Variants in SLC31A2 observed in about 807,000 individuals in gnomAD.
SLC31A2 encodes solute carrier family 31 member 2, also known as protein SLC31A2.
Under a neutral mutation model 14.4 loss-of-function variants are expected in SLC31A2, and 16 were observed. That is an observed-to-expected ratio of 1.11 (90% CI 0.75 to 1.69). SLC31A2 has a LOEUF of 1.69. Among genes scored for constraint, SLC31A2 ranks in the 40% most tolerant of loss-of-function variants. The pLI, the probability that SLC31A2 is intolerant of heterozygous loss-of-function variation, is 0.00. For synonymous variants in SLC31A2, 56 were observed against 68.7 expected (o/e 0.82, Z 0.91); for missense variants, 140 against 173.9 (o/e 0.81, Z 1.10).
intron 3 of SLC31A2, 51 bp downstream of exon 3, chr9:113,161,749 G>GAGAC (rs1564139090): frequency 6.3e-7 from 1 of 1,590,022 alleles, no homozygotes; most frequent in Admixed American, 1.7e-5. Flanking sequence ...TTCACCCTGA[G>GAGAC]AGACAGGCTG....
intron 1 of SLC31A2, chr9:113,156,004 A>G (rs1353876325): frequency 1.9e-6 from 1 of 518,466 alleles, no homozygotes; most frequent in Non-Finnish European, 3.9e-6. Flanking sequence ...AGAACATGCA[A>G]GGCCTGTGGT....
intron 2 of SLC31A2, among the ~76,000 whole-genome samples, chr9:113,158,357 G>A (rs892336050): frequency 4.6e-5 from 7 of 152,338 alleles, no homozygotes; most frequent in African/African-American, 1.7e-4. Context: ...ATTATTGCGG[G>A]TGCAGATTAA....
chr9:113,159,170 G>A (rs1043528714), intron 2 of SLC31A2, among the ~76,000 whole-genome samples: 5 of 152,044 alleles, frequency 3.3e-5, no homozygotes, highest in Admixed American at 2.6e-4. Flanking sequence ...AGTCTCTGTC[G>A]CCCAGGCTGG....
At chr9:113,159,945 C>T (rs750042763) in intron 2 of SLC31A2, among the ~76,000 whole-genome samples, 13 of 152,140 alleles carry the variant, frequency 8.5e-5, no homozygotes, top group Middle Eastern at 3.2e-3. Context: ...GAGGCCGAGG[C>T]GAGTGGATCA....
chr9:113,161,794 A>G (rs962945234), intron 3 of SLC31A2, 96 bp downstream of exon 3: 2 of 1,370,802 alleles, frequency 1.5e-6, no homozygotes, highest in Non-Finnish European at 2.1e-6. Flanking sequence ...CACAGAGAGG[A>G]CAGCGAGGCC....
Position 113,163,006 on chromosome 9 carries a change from G to A in SLC31A2, c.*89G>A, listed in dbSNP as rs982133195. 8.2e-6 allele frequency: 10 copies of A among 1,226,468 alleles called. No individual in the cohort carries two copies. In the South Asian group the frequency reaches 1.0e-4, roughly 12 times the overall value. 76.0% of individuals were successfully genotyped at this position (1,226,468 alleles called of 1,614,324 possible). Reference sequence around the variant, plus strand: ...ACTTCCAACTGCCCTTTCTTCTGATGGCTATTCCTCCACCTTATTCCCAGC... The same window carrying A: ...ACTTCCAACTGCCCTTTCTTCTGATAGCTATTCCTCCACCTTATTCCCAGC... On this transcript the variant is annotated 3_prime_UTR_variant, in exon 4 of 4. Transcript: ENST00000259392.
intron 3 of SLC31A2, chr9:113,162,018 G>C (rs1485054417): frequency 2.3e-6 from 1 of 428,548 alleles, no homozygotes; most frequent in Non-Finnish European, 4.3e-6. Context: ...CAGTTCCATG[G>C]GTCACTAGGC....
intron 1 of SLC31A2, among the ~76,000 whole-genome samples, chr9:113,153,045 G>T (rs1392690281): frequency 6.6e-6 from 1 of 151,910 alleles, no homozygotes; most frequent in Non-Finnish European, 1.5e-5. Flanking sequence ...GGTGTAAATG[G>T]AGTTTCACAG....
At chr9:113,159,899 G>T (rs1019978338) in intron 2 of SLC31A2, among the ~76,000 whole-genome samples, 19 of 152,348 alleles carry the variant, frequency 1.2e-4, no homozygotes, top group African/African-American at 4.6e-4. Flanking sequence ...AATGGGCCAG[G>T]TGTGGTGGCT....
Position 113,161,593 on chromosome 9 carries a change from A to T in SLC31A2, c.158A>T (p.Gln53Leu). Reference sequence around the variant, plus strand: ...GTTGGCAAAGCCAAGCTGCTCAACCAGGTACTGGTGAACCTGCCAACCTCC... The same window carrying T: ...GTTGGCAAAGCCAAGCTGCTCAACCTGGTACTGGTGAACCTGCCAACCTCC... ...IKVGKAKLLN[Q>L]VLVNLPTSIS... The change falls in exon 3 of 4, where the codon CAG becomes CTG. Residue 53 changes from glutamine to leucine, a missense_variant. Physicochemically the swap from Gln to Leu is moderately radical, Grantham distance 113 (BLOSUM62 -2). Coordinates refer to ENST00000259392, the MANE Select transcript of SLC31A2 (RefSeq NM_001860.3). 6.2e-7 allele frequency: 1 copy of T among 1,614,052 alleles called. No homozygotes were observed. Among genetic ancestry groups the T allele is most frequent in the Non-Finnish European group, 8.5e-7 (1 of 1,179,892 alleles).
intron 1 of SLC31A2, among the ~76,000 whole-genome samples, chr9:113,156,670 C>G (rs1281325577): frequency 6.6e-6 from 1 of 152,176 alleles, no homozygotes; most frequent in Non-Finnish European, 1.5e-5. Context: ...GAGGGCTTAC[C>G]TGGGGACCAG....
intron 2 of SLC31A2, 144 bp downstream of exon 2, chr9:113,157,937 A>T (rs1049282959): frequency 2.8e-5 from 20 of 719,856 alleles, no homozygotes; most frequent in South Asian, 2.2e-4. Context: ...CTTCACAGTT[A>T]TAATTCCATT....
At chr9:113,155,904 G>A (rs7872320) in intron 1 of SLC31A2, 7 of 350,910 alleles carry the variant, frequency 2.0e-5, no homozygotes, top group Non-Finnish European at 2.9e-5. Flanking sequence ...GTTAACAAAT[G>A]TGTTTTGTTC....
At chr9:113,158,888 G>C (rs3935394) in intron 2 of SLC31A2, among the ~76,000 whole-genome samples, 10,661 of 152,208 alleles carry the variant, frequency 0.07, 460 homozygotes, top group South Asian at 0.13. Flanking sequence ...AAGGGGATGT[G>C]GGGTGGGATA....
At chr9:113,156,247 A>T in intron 1 of SLC31A2, 1 of 440,892 alleles carries the variant, frequency 2.3e-6, no homozygotes, top group Non-Finnish European at 4.6e-6. Context: ...TTGAACAGAA[A>T]CTGAGAGTAA....
chr9:113,155,512 A>G (rs1432215473), intron 1 of SLC31A2, among the ~76,000 whole-genome samples: 7 of 152,260 alleles, frequency 4.6e-5, no homozygotes, highest in Non-Finnish European at 7.3e-5. Flanking sequence ...GCATGAAAAA[A>G]GAGGGTTGCT....
Position 113,151,054 on chromosome 9 carries a change from C to T in SLC31A2, c.-21C>T, listed in dbSNP as rs192951473. 1,079 of 1,306,076 alleles carry T rather than the reference C, an allele frequency of 8.3e-4. 7 individuals carry two copies. Among genetic ancestry groups the T allele is most frequent in the African/African-American group, 6.9e-3 (460 of 66,200 alleles). 80.9% of individuals were successfully genotyped at this position (1,306,076 alleles called of 1,614,324 possible). A position where few individuals can be genotyped will look rare whatever the true frequency, so the allele number is the denominator to read the frequency against. ...CCCGAGCGAGCAGACGCGGCCCTGG[C>T]GCCCGCCCTGCGCACTCACCATGGC... On this transcript the variant is annotated 5_prime_UTR_variant, in exon 1 of 4. Coordinates refer to ENST00000259392, the MANE Select transcript of SLC31A2 (RefSeq NM_001860.3). The surrounding 1 kb of genome is among the most constrained non-coding windows in gnomAD (Gnocchi z 4.2).
chr9:113,163,156 G>A lies in SLC31A2; in HGVS notation c.*239G>A, dbSNP rs545652851. The A allele has an allele frequency of 2.8e-6, 1 of 355,812 alleles. No homozygotes were observed. The highest frequency in any genetic ancestry group is 4.6e-5 in the East Asian group (1 of 21,600). The allele number at this position is 355,812 out of a possible 1,614,324, so 22.0% of individuals were successfully genotyped here. ...GGTCTTGTGTCTTAAGACAGCTGCT[G>A]TGACCAAAGGGAGAATGGAGATAAC... On this transcript the variant is annotated 3_prime_UTR_variant, in exon 4 of 4. Transcript: ENST00000259392.
rs768946820 is a variant in SLC31A2, at chr9:113,161,523, G to T, written c.88G>T (p.Val30Leu). ...VHSPAGMALS[V>L]LVLLLLAVLY... ...TCCTTTGACAGGCATGGCCCTTTCGGTGTTGGTGCTCCTGCTTCTGGCTGT... is the reference window on the plus strand; with the variant it reads ...TCCTTTGACAGGCATGGCCCTTTCGTTGTTGGTGCTCCTGCTTCTGGCTGT... Residue 30 changes from valine to leucine, a missense_variant, in exon 3 of 4, where the codon GTG becomes TTG. Transcript: ENST00000259392. The T allele has an allele frequency of 6.2e-7, 1 of 1,614,014 alleles. No homozygotes were observed. Among genetic ancestry groups the T allele is most frequent in the East Asian group, 2.2e-5 (1 of 44,892 alleles).
Sources: gnomAD v4.1 joint callset for allele counts (sites outside exome capture counted in the v4.1 genomes callset) on GRCh38, gnomAD v4.1.1 for gene constraint, Gnocchi (gnomAD v3.1) non-coding constraint, MANE v1.5 for transcripts, NCBI Gene and HGNC (gene_info 2026-07-23, HGNC 2026-07-21) for gene names.